The following CYP39A1 variants were observed in gnomAD, a reference collection of about 807,000 sequenced individuals.
CYP39A1 encodes 24-hydroxycholesterol 7-alpha-hydroxylase.
A neutral mutation model predicts 58.1 loss-of-function variants in CYP39A1; 49 were observed. That is an observed-to-expected ratio of 0.84 (90% CI 0.67 to 1.07). CYP39A1 has a LOEUF of 1.07. CYP39A1 is among the 50% of genes least tolerant of loss of function. The pLI, the probability that CYP39A1 is intolerant of heterozygous loss-of-function variation, is 0.00. For synonymous variants in CYP39A1, 209 were observed against 187.6 expected (o/e 1.11, Z -0.93); for missense variants, 531 against 539.4 (o/e 0.98, Z 0.16).
At chr6:46,552,474 T>G (rs532949095) in intron 11 of CYP39A1, among the ~76,000 whole-genome samples, 1 of 152,330 alleles carries the variant, frequency 6.6e-6, no homozygotes, top group African/African-American at 2.4e-5. Flanking sequence ...TAAAATACTT[T>G]CTGTGTCACT....
intron 10 of CYP39A1, among the ~76,000 whole-genome samples, chr6:46,576,397 G>A (rs1342903426): frequency 1.3e-5 from 2 of 152,318 alleles, no homozygotes; most frequent in East Asian, 1.9e-4. Flanking sequence ...TCACACAGAT[G>A]AGAAGGAACC....
chr6:46,587,874 A>T (rs972936340), intron 9 of CYP39A1, among the ~76,000 whole-genome samples, 160 bp downstream of exon 9: 1 of 152,180 alleles, frequency 6.6e-6, no homozygotes. Flanking sequence ...CACTATCTAT[A>T]TTGCAAATCT....
chr6:46,602,800 A>C (rs1773592743), intron 7 of CYP39A1, among the ~76,000 whole-genome samples: 1 of 151,692 alleles, frequency 6.6e-6, no homozygotes, highest in South Asian at 2.1e-4. Context: ...TATTATTGCC[A>C]ATTTTTAAAT....
intron 10 of CYP39A1, among the ~76,000 whole-genome samples, chr6:46,561,203 T>C (rs1770950636): frequency 6.6e-6 from 1 of 152,244 alleles, no homozygotes; most frequent in Non-Finnish European, 1.5e-5. Flanking sequence ...TTGTGAATTA[T>C]AGAACAGTTT....
At chr6:46,562,893 T>C (rs1047371005) in intron 10 of CYP39A1, among the ~76,000 whole-genome samples, 6 of 152,046 alleles carry the variant, frequency 3.9e-5, no homozygotes, top group Non-Finnish European at 8.8e-5. Context: ...CAATTCATAA[T>C]GTACATTTTG....
chr6:46,597,877 G>A (rs534037635), intron 7 of CYP39A1, among the ~76,000 whole-genome samples: 6 of 152,158 alleles, frequency 3.9e-5, no homozygotes, highest in Admixed American at 2.0e-4. Context: ...TAAGACCTTC[G>A]GCTTATTTGC....
At chr6:46,642,421 G>T in intron 1 of CYP39A1, 123 bp from the exon 2 acceptor site, 1 of 913,488 alleles carries the variant, frequency 1.1e-6, no homozygotes, top group Non-Finnish European at 1.6e-6. Context: ...ATTATATTTG[G>T]CAATTAGTTA....
intron 4 of CYP39A1, among the ~76,000 whole-genome samples, chr6:46,637,055 A>G (rs1776033864): frequency 6.6e-6 from 1 of 152,176 alleles, no homozygotes; most frequent in African/African-American, 2.4e-5. Flanking sequence ...TACTAACCTT[A>G]TGAACAGGGT....
intron 7 of CYP39A1, among the ~76,000 whole-genome samples, chr6:46,619,232 T>C (rs543836886): frequency 1.3e-5 from 2 of 152,264 alleles, no homozygotes; most frequent in Non-Finnish European, 2.9e-5. Context: ...AATGGGATGG[T>C]TGATAGAGCT....
chr6:46,613,683 C>A (rs1774351578), intron 7 of CYP39A1, among the ~76,000 whole-genome samples: 1 of 150,462 alleles, frequency 6.6e-6, no homozygotes. Context: ...GAAAAAAATT[C>A]CAGCACATTT....
intron 10 of CYP39A1, among the ~76,000 whole-genome samples, chr6:46,562,776 G>A (rs1771053867): frequency 6.6e-6 from 1 of 151,946 alleles, no homozygotes; most frequent in East Asian, 1.9e-4. Context: ...ACAATTTTCT[G>A]TTACAATCTA....
intron 2 of CYP39A1, among the ~76,000 whole-genome samples, chr6:46,640,844 A>T (rs1776288746): frequency 6.8e-6 from 1 of 147,950 alleles, no homozygotes; most frequent in Admixed American, 7.0e-5. Context: ...TCAAAGAATA[A>T]GTTTTAATTT....
At chr6:46,581,666 G>A (rs931541196) in intron 10 of CYP39A1, among the ~76,000 whole-genome samples, 1 of 152,008 alleles carries the variant, frequency 6.6e-6, no homozygotes, top group African/African-American at 2.4e-5. Context: ...GCATGGGAGG[G>A]GGGTGAGGCA....
chr6:46,588,368 A>G (rs1416480377), intron 8 of CYP39A1, among the ~76,000 whole-genome samples: 2 of 151,430 alleles, frequency 1.3e-5, no homozygotes, highest in Non-Finnish European at 1.5e-5. Flanking sequence ...ATTTGGTTAC[A>G]TAGAGGAAAT....
chr6:46,575,659 T>C (rs1383385150), intron 10 of CYP39A1, among the ~76,000 whole-genome samples: 1 of 152,194 alleles, frequency 6.6e-6, no homozygotes, highest in Non-Finnish European at 1.5e-5. Context: ...AGAGCACTTT[T>C]GCCAGAAGCT....
intron 7 of CYP39A1, among the ~76,000 whole-genome samples, chr6:46,617,875 T>C (rs1400769538): frequency 6.6e-6 from 1 of 152,182 alleles, no homozygotes; most frequent in African/African-American, 2.4e-5. Flanking sequence ...ACTACTCCTA[T>C]CTTGTAGGGC....
chr6:46,576,763 C>T (rs1771869323), intron 10 of CYP39A1, among the ~76,000 whole-genome samples: 1 of 152,112 alleles, frequency 6.6e-6, no homozygotes, highest in African/African-American at 2.4e-5. Context: ...AAGACAGCTC[C>T]TTCAAATCAA....
chr6:46,639,406 T>G, intron 3 of CYP39A1, 88 bp downstream of exon 3: 1 of 1,261,376 alleles, frequency 7.9e-7, no homozygotes, highest in Admixed American at 2.2e-5. Flanking sequence ...TTAATCAACC[T>G]GACAATGTTT....
At position 46,553,782 on chromosome 6, in the gene CYP39A1, G is replaced by A. The variant is rs778398372; in HGVS notation, c.1323C>T (p.Asp441=). The A allele has an allele frequency of 3.7e-6, 6 of 1,608,928 alleles. 1 individual carries two copies. In the South Asian group the frequency reaches 6.6e-5, roughly 18 times the overall value. Residue 441 remains aspartate, a synonymous_variant, in exon 11 of 12, where the codon GAC becomes GAT. Coordinates refer to ENST00000275016, the MANE Select transcript of CYP39A1 (RefSeq NM_016593.5). The part of the protein sequence containing the change: ...ILYKYDCSLL[D]PLPKQSYLHL... The stretch of plus-strand genomic sequence containing the variant: ...AAACACTTACCTGTTTGGGTAATGG[G>A]TCCAGAAGACTACAGTCATATTTAT...
Sources: allele counts gnomAD v4.1 joint callset (sites outside exome capture counted in the v4.1 genomes callset), GRCh38; gene constraint gnomAD v4.1.1; transcripts MANE v1.5; gene names NCBI Gene and HGNC (gene_info 2026-07-23, HGNC 2026-07-21).